The following GPHN variants were observed in gnomAD, a reference collection of about 807,000 sequenced individuals.
GPHN encodes gephyrin.
GPHN carries 17 observed loss-of-function variants against 95.5 expected under a neutral mutation model. The observed-to-expected ratio is 0.18, with a 90% CI of 0.12 to 0.27. The LOEUF (loss-of-function observed/expected upper bound fraction) is 0.27, where lower values mean the gene tolerates loss of function less well. Among genes scored for constraint, GPHN ranks in the 10% least tolerant of loss-of-function variants. The pLI is 1.00. For synonymous variants in GPHN, 320 were observed against 322.5 expected, an observed-to-expected ratio of 0.99 and a Z score of 0.08; for missense variants, 660 against 978.1, an observed-to-expected ratio of 0.67 and a Z score of 4.34.
chr14:67,568,699 T>A, the GPHN span, among the ~76,000 whole-genome samples: 1 of 152,218 alleles, frequency 6.6e-6, no homozygotes, highest in Non-Finnish European at 1.5e-5. Context: ...CCTTGTCGTG[T>A]GGCCGCAGTG....
At chr14:66,989,276 A>T (rs1394106664) in intron 9 of GPHN, among the ~76,000 whole-genome samples, 1 of 152,036 alleles carries the variant, frequency 6.6e-6, no homozygotes, top group African/African-American at 2.4e-5. Flanking sequence ...TTTATGATTA[A>T]ATCAGTCTGG....
rs141929935 is a variant in GPHN at position 66,532,371 on chromosome 14, G to T, written c.64+23780G>T. ...CTTAGCCTCATGGTGTGATAGTTGG[G>T]TTATAAGAAGTATTCTAAGAGCAAG... On this transcript the variant is annotated intron_variant, in intron 1 of 22. Transcript: ENST00000478722. 7.1e-4 allele frequency among the ~76,000 whole-genome samples: 108 copies of T among 152,234 alleles called. 5 individuals carry two copies. The highest frequency in any genetic ancestry group is 2.0e-4 in the Admixed American group (3 of 15,296).
At chr14:67,292,520 A>T in the GPHN span, 1 of 1,607,408 alleles carries the variant, frequency 6.2e-7, no homozygotes, top group Non-Finnish European at 8.5e-7. Flanking sequence ...GAAATAGAAG[A>T]CTTGTTTTCT....
chr14:67,493,704 G>T, the GPHN span, among the ~76,000 whole-genome samples: 14 of 152,162 alleles, frequency 9.2e-5, no homozygotes, highest in African/African-American at 2.7e-4. Context: ...TCTGTGATTG[G>T]TTCAGGGATG....
At chr14:67,344,529 T>C in the GPHN span, among the ~76,000 whole-genome samples, 1 of 152,150 alleles carries the variant, frequency 6.6e-6, no homozygotes, top group Non-Finnish European at 1.5e-5. Flanking sequence ...GCACAAACGA[T>C]GTTTATTTAC....
chr14:67,027,661 T>A (rs2073996447), intron 10 of GPHN, among the ~76,000 whole-genome samples: 1 of 152,220 alleles, frequency 6.6e-6, no homozygotes, highest in African/African-American at 2.4e-5. Context: ...TTGTTCAGCC[T>A]GTGTTTTATC....
At chr14:66,601,520 A>G (rs1368111955) in intron 1 of GPHN, among the ~76,000 whole-genome samples, 1 of 152,004 alleles carries the variant, frequency 6.6e-6, no homozygotes, top group Non-Finnish European at 1.5e-5. Context: ...CGGGATTCAT[A>G]TACTCACTCT....
At chr14:66,723,233 G>C (rs527260259) in intron 2 of GPHN, among the ~76,000 whole-genome samples, 1 of 151,382 alleles carries the variant, frequency 6.6e-6, no homozygotes, top group African/African-American at 2.4e-5. Context: ...TTGTAAAGAC[G>C]AGTTATAAAA....
chr14:67,086,636 C>A (rs985732517), intron 11 of GPHN, among the ~76,000 whole-genome samples: 1 of 137,634 alleles, frequency 7.3e-6, no homozygotes, highest in Non-Finnish European at 1.5e-5. Context: ...TGGGCGACAG[C>A]GAGACTCTGT....
chr14:66,958,904 A>G (rs899405787), intron 8 of GPHN, among the ~76,000 whole-genome samples: 2 of 151,774 alleles, frequency 1.3e-5, no homozygotes, highest in African/African-American at 2.4e-5. Flanking sequence ...TTTGTTTTTT[A>G]TCTCCTCTAT....
chr14:66,859,920 T>C (rs2062957335), intron 4 of GPHN, among the ~76,000 whole-genome samples: 1 of 151,662 alleles, frequency 6.6e-6, no homozygotes, highest in Admixed American at 6.6e-5. Context: ...TAATTGAAAA[T>C]ACACAGTTAG....
chr14:67,548,234 C>T, the GPHN span, among the ~76,000 whole-genome samples: 1 of 152,164 alleles, frequency 6.6e-6, no homozygotes, highest in Non-Finnish European at 1.5e-5. Flanking sequence ...CTTGCTAAAC[C>T]TGTTTCTCAG....
In GPHN at chr14:66,601,952, T is replaced by A. The variant is rs551710483; in HGVS notation, c.65-79155T>A. Among the ~76,000 whole-genome samples the A allele has an allele frequency of 2.4e-3, 366 of 152,096 alleles. 3 individuals are homozygous for A. Among genetic ancestry groups the A allele is most frequent in the African/African-American group, 8.3e-3 (345 of 41,562 alleles). On this transcript the variant is annotated intron_variant, in intron 1 of 22. Coordinates refer to ENST00000478722, the MANE Select transcript of GPHN (RefSeq NM_020806.5). ...AATATTCTAACTTCAATAGGCATCA[T>A]AGTGATTATCATTTCAGATTTGGTG...
At chr14:66,511,094 A>G (rs17827741) in intron 1 of GPHN, among the ~76,000 whole-genome samples, 49,649 of 152,048 alleles carry the variant, frequency 0.33, 11,879 homozygotes, top group African/African-American at 0.65. Flanking sequence ...ATTGTCTACT[A>G]TGATGGAGAG....
chr14:66,631,530 A>G (rs1320321943), intron 1 of GPHN, among the ~76,000 whole-genome samples: 1 of 152,190 alleles, frequency 6.6e-6, no homozygotes, highest in Non-Finnish European at 1.5e-5. Flanking sequence ...CTTTCTATGT[A>G]TAATTAAAAC....
At chr14:66,524,244 A>G (rs1338720797) in intron 1 of GPHN, among the ~76,000 whole-genome samples, 1 of 152,164 alleles carries the variant, frequency 6.6e-6, no homozygotes, top group Non-Finnish European at 1.5e-5. Flanking sequence ...AGGGTGGTAA[A>G]GTGATAGTAA....
chr14:66,719,329 G>A (rs867293790), intron 2 of GPHN, among the ~76,000 whole-genome samples: 13 of 152,250 alleles, frequency 8.5e-5, no homozygotes, highest in African/African-American at 2.6e-4. Flanking sequence ...GCCTCTATCC[G>A]TGTATTTCGC....
In GPHN at chr14:66,932,444, G is replaced by GTTTTTTTTTTTTTT; in HGVS notation, c.828+8175_828+8188dup. On this transcript the variant is annotated intron_variant, in intron 8 of 22. Transcript: ENST00000478722. Reference sequence around the variant, plus strand: ...AGGTGGGGAATCCTGCCAAGACCAGGTTTTTTTTTTTTTTTTTTTTTTTTT... The same window carrying GTTTTTTTTTTTTTT: ...AGGTGGGGAATCCTGCCAAGACCAGGTTTTTTTTTTTTTTTTTTTTTTTTTTTTTTTTTTTTTTT... 3.2e-3 allele frequency among the ~76,000 whole-genome samples: 77 copies of GTTTTTTTTTTTTTT among 24,394 alleles called. 23 individuals are homozygous for GTTTTTTTTTTTTTT. Among genetic ancestry groups the GTTTTTTTTTTTTTT allele is most frequent in the Non-Finnish European group, 4.8e-3 (66 of 13,732 alleles). 16.0% of individuals were successfully genotyped at this position (24,394 alleles called of 152,430 possible). A position where few individuals can be genotyped will look rare whatever the true frequency, so the allele number is the denominator to read the frequency against.
intron 4 of GPHN, among the ~76,000 whole-genome samples, chr14:66,876,438 C>CA (rs200396063): frequency 0.015 from 2,263 of 151,980 alleles, 54 homozygotes; most frequent in African/African-American, 0.051. Context: ...AAAAAACCTT[C>CA]AAAAAATCAG....
Sources: gnomAD v4.1 joint callset for allele counts (sites outside exome capture counted in the v4.1 genomes callset) on GRCh38, gnomAD v4.1.1 for gene constraint, MANE v1.5 for transcripts, NCBI Gene and HGNC (gene_info 2026-07-23, HGNC 2026-07-21) for gene names.